The following ADAMTSL3 variants were observed in gnomAD, a reference collection of about 807,000 sequenced individuals.
The protein encoded by ADAMTSL3 is ADAMTS like 3.
A neutral mutation model predicts 201.7 loss-of-function variants in ADAMTSL3; 128 were observed. That is an observed-to-expected ratio of 0.63 (90% CI 0.55 to 0.73). The LOEUF (loss-of-function observed/expected upper bound fraction) is 0.73. Ranked by LOEUF, ADAMTSL3 falls within the 30% of genes least tolerant of loss-of-function variation. The pLI, the probability that ADAMTSL3 is intolerant of heterozygous loss-of-function variation, is 0.00. For synonymous variants in ADAMTSL3, 738 were observed against 748.4 expected (o/e 0.99, Z 0.23); for missense variants, 1,990 against 2,119.6 (o/e 0.94, Z 1.20).
intron 15 of ADAMTSL3, among the ~76,000 whole-genome samples, chr15:83,904,716 C>T (rs1190162517): frequency 6.6e-6 from 1 of 152,214 alleles, no homozygotes; most frequent in African/African-American, 2.4e-5. Flanking sequence ...AAATTCCTCC[C>T]TGGAGCCTCT....
At chr15:83,871,022 C>A in intron 9 of ADAMTSL3, 63 bp downstream of exon 9, 1 of 1,567,338 alleles carries the variant, frequency 6.4e-7, no homozygotes, top group Non-Finnish European at 8.7e-7. Context: ...ATTTTTAAAA[C>A]AATGAGTTTG....
At chr15:83,933,985 C>G (rs575475621) in intron 17 of ADAMTSL3, among the ~76,000 whole-genome samples, 161 of 152,328 alleles carry the variant, frequency 1.1e-3, no homozygotes, top group African/African-American at 3.3e-3. Context: ...TGGAGAACCT[C>G]TGCTGGGGCA....
At chr15:83,705,448 G>A (rs1389707823) in intron 3 of ADAMTSL3, among the ~76,000 whole-genome samples, 1 of 152,166 alleles carries the variant, frequency 6.6e-6, no homozygotes, top group Non-Finnish European at 1.5e-5. Context: ...AGCCTAGTCA[G>A]AGTGCAAAAG....
intron 7 of ADAMTSL3, among the ~76,000 whole-genome samples, chr15:83,842,461 A>G (rs1172300200): frequency 6.6e-6 from 1 of 152,048 alleles, no homozygotes; most frequent in Non-Finnish European, 1.5e-5. Context: ...GCCCGTCTGC[A>G]TGCTCCCCCT....
chr15:83,682,622 G>A (rs1410340228), intron 2 of ADAMTSL3, among the ~76,000 whole-genome samples: 4 of 152,188 alleles, frequency 2.6e-5, no homozygotes, highest in Non-Finnish European at 5.9e-5. Context: ...TCTCATGGGA[G>A]AACATTGGTG....
At chr15:83,788,479 G>T (rs1185595025) in intron 4 of ADAMTSL3, among the ~76,000 whole-genome samples, 2 of 152,118 alleles carry the variant, frequency 1.3e-5, no homozygotes, top group Non-Finnish European at 2.9e-5. Flanking sequence ...CTTGAATGAT[G>T]ATTTTTCCAT....
chr15:83,846,171 A>G (rs1005646183), intron 7 of ADAMTSL3, among the ~76,000 whole-genome samples: 2 of 152,192 alleles, frequency 1.3e-5, no homozygotes, highest in Admixed American at 1.3e-4. Flanking sequence ...AAAAATACTT[A>G]TTGGGAAAAT....
intron 23 of ADAMTSL3, among the ~76,000 whole-genome samples, chr15:84,011,230 C>A (rs2068000802): frequency 6.6e-6 from 1 of 151,972 alleles, no homozygotes. Context: ...TTAAAATAAG[C>A]AAATTAAATG....
intron 8 of ADAMTSL3, among the ~76,000 whole-genome samples, chr15:83,867,918 A>G (rs565501227): frequency 4.6e-5 from 7 of 152,328 alleles, no homozygotes; most frequent in African/African-American, 1.7e-4. Context: ...AGTGGATTAA[A>G]ATATTTAAAG....
chr15:83,869,237 A>G (rs1257537602), intron 8 of ADAMTSL3, among the ~76,000 whole-genome samples: 1 of 151,880 alleles, frequency 6.6e-6, no homozygotes, highest in Non-Finnish European at 1.5e-5. Context: ...CATGGACTTT[A>G]GAGACATCCA....
chr15:83,729,708 T>G (rs2062234904), intron 3 of ADAMTSL3, among the ~76,000 whole-genome samples: 1 of 152,056 alleles, frequency 6.6e-6, no homozygotes, highest in East Asian at 1.9e-4. Context: ...TATTTTGAAT[T>G]CTCTGTTTGA....
At chr15:83,882,429 A>G (rs976024374) in intron 9 of ADAMTSL3, among the ~76,000 whole-genome samples, 8 of 152,156 alleles carry the variant, frequency 5.3e-5, no homozygotes, top group Admixed American at 5.2e-4. Context: ...CTATTTTAAA[A>G]TCAGTCCTTG....
chr15:83,697,766 C>G (rs909421908), intron 2 of ADAMTSL3, among the ~76,000 whole-genome samples: 12 of 152,104 alleles, frequency 7.9e-5, no homozygotes, highest in South Asian at 2.1e-4. Context: ...ATGGAGGCTT[C>G]ATTACCCAGG....
chr15:83,859,112 T>C (rs1232976854), intron 8 of ADAMTSL3, among the ~76,000 whole-genome samples: 1 of 152,184 alleles, frequency 6.6e-6, no homozygotes, highest in Non-Finnish European at 1.5e-5. Context: ...AACTCCCAGA[T>C]GTGTTACATG....
intron 5 of ADAMTSL3, among the ~76,000 whole-genome samples, chr15:83,805,083 T>G (rs898815852): frequency 6.6e-6 from 1 of 152,184 alleles, no homozygotes; most frequent in African/African-American, 2.4e-5. Context: ...GGTAAAATTA[T>G]TTTTTGAAGG....
intron 17 of ADAMTSL3, among the ~76,000 whole-genome samples, chr15:83,932,206 T>C (rs2066371081): frequency 6.6e-6 from 1 of 151,916 alleles, no homozygotes; most frequent in Admixed American, 6.5e-5. Flanking sequence ...TATGTGACTG[T>C]ATACATCAGT....
At chr15:83,832,735 A>G (rs553624503) in intron 6 of ADAMTSL3, among the ~76,000 whole-genome samples, 2 of 152,142 alleles carry the variant, frequency 1.3e-5, no homozygotes, top group African/African-American at 2.4e-5. Flanking sequence ...TAGACTACAC[A>G]TAAGTCTTGT....
At chr15:83,743,491 G>A (rs887161352) in intron 3 of ADAMTSL3, among the ~76,000 whole-genome samples, 1 of 139,664 alleles carries the variant, frequency 7.2e-6, no homozygotes, top group African/African-American at 2.7e-5. Context: ...CCGCAGTCCG[G>A]CCTGGGAGAC....
chr15:83,869,364 T>C (rs1047145485), intron 8 of ADAMTSL3, among the ~76,000 whole-genome samples: 3 of 152,152 alleles, frequency 2.0e-5, no homozygotes, highest in Non-Finnish European at 4.4e-5. Context: ...TCTCACACTT[T>C]CCAAAAATCT....
Sources: allele counts gnomAD v4.1 joint callset (sites outside exome capture counted in the v4.1 genomes callset), GRCh38; gene constraint gnomAD v4.1.1; transcripts MANE v1.5; gene names NCBI Gene and HGNC (gene_info 2026-07-23, HGNC 2026-07-21).